The following CADM2 variants were observed in gnomAD, a reference collection of about 807,000 sequenced individuals.
The protein encoded by CADM2 is immunoglobulin superfamily member 4D.
A neutral mutation model predicts 49.8 loss-of-function variants in CADM2; 12 were observed. That is an observed-to-expected ratio of 0.24 (90% CI 0.15 to 0.39). CADM2 has a LOEUF of 0.39. CADM2 is among the 10% of genes least tolerant of loss of function. CADM2 has a pLI of 1.00. For synonymous variants in CADM2, 214 were observed against 175.4 expected (o/e 1.22, Z -1.74); for missense variants, 378 against 492.3 (o/e 0.77, Z 2.20).
At chr3:85,493,734 C>G (rs1186060023) in intron 1 of CADM2, among the ~76,000 whole-genome samples, 1 of 152,140 alleles carries the variant, frequency 6.6e-6, no homozygotes, top group South Asian at 2.1e-4. Flanking sequence ...TCATTGCCTT[C>G]AATGCCTATT....
chr3:85,371,424 C>T (rs1201466114), intron 1 of CADM2, among the ~76,000 whole-genome samples: 3 of 151,860 alleles, frequency 2.0e-5, no homozygotes, highest in Non-Finnish European at 4.4e-5. Context: ...CTACAGCAGT[C>T]AGTGCAATAA....
intron 1 of CADM2, among the ~76,000 whole-genome samples, chr3:85,141,084 C>T (rs1029317881): frequency 2.0e-5 from 3 of 152,058 alleles, no homozygotes; most frequent in African/African-American, 7.2e-5. Context: ...TTCTGTGAGG[C>T]TTCATATTCT....
intron 1 of CADM2, among the ~76,000 whole-genome samples, chr3:85,694,906 G>C (rs1294706225): frequency 1.3e-5 from 2 of 151,752 alleles, no homozygotes; most frequent in African/African-American, 4.8e-5. Flanking sequence ...TCCAGCCTTG[G>C]CAACACAGTG....
intron 1 of CADM2, among the ~76,000 whole-genome samples, chr3:85,412,916 C>T (rs534097744): frequency 4.0e-5 from 6 of 151,302 alleles, no homozygotes; most frequent in African/African-American, 1.2e-4. Context: ...CCGAGGCGGG[C>T]GGATCACGAG....
At chr3:85,707,815 G>T (rs1198511322) in intron 1 of CADM2, among the ~76,000 whole-genome samples, 1 of 152,058 alleles carries the variant, frequency 6.6e-6, no homozygotes, top group Non-Finnish European at 1.5e-5. Context: ...GCATGTACTT[G>T]AAAAGAATTA....
chr3:85,289,600 T>A (rs2043725073), intron 1 of CADM2, among the ~76,000 whole-genome samples: 1 of 152,224 alleles, frequency 6.6e-6, no homozygotes, highest in African/African-American at 2.4e-5. Context: ...TTGCTGACTT[T>A]TCCTTCAGTT....
chr3:85,103,951 G>A (rs571890577), intron 1 of CADM2, among the ~76,000 whole-genome samples: 31 of 152,216 alleles, frequency 2.0e-4, no homozygotes, highest in Middle Eastern at 3.4e-3. Flanking sequence ...TAATTGTTTT[G>A]ATAAGAGAAA....
rs981047029 is a variant in CADM2 at position 84,965,020 on chromosome 3, C to T, written c.61+5352C>T. 1.4e-4 allele frequency among the ~76,000 whole-genome samples: 22 copies of T among 152,084 alleles called. No homozygotes were observed. The East Asian group carries it at 2.9e-3, about 20-fold the overall frequency. Reference sequence around the variant, plus strand: ...TGATCAGTCATTTTTAACATTTTTCCTACCATTTTTTTCTTTTCCTTGATT... The same window carrying T: ...TGATCAGTCATTTTTAACATTTTTCTTACCATTTTTTTCTTTTCCTTGATT... On this transcript the variant is annotated intron_variant, in intron 1 of 9. Transcript: ENST00000383699.
intron 1 of CADM2, among the ~76,000 whole-genome samples, chr3:85,341,917 A>C (rs1418490655): frequency 6.6e-6 from 1 of 152,184 alleles, no homozygotes; most frequent in Non-Finnish European, 1.5e-5. Flanking sequence ...AAACAAAAAA[A>C]GAAAATGGGC....
At chr3:85,206,311 CTTTTTTTT>C (rs546784330) in intron 1 of CADM2, among the ~76,000 whole-genome samples, 7 of 130,262 alleles carry the variant, frequency 5.4e-5, no homozygotes, top group African/African-American at 2.0e-4. Context: ...TTTTTCTTTT[CTTTTTTTT>C]TTTTTTGAGA....
At chr3:85,633,123 A>C (rs9819476) in intron 1 of CADM2, among the ~76,000 whole-genome samples, 26,950 of 152,020 alleles carry the variant, frequency 0.18, 2,969 homozygotes, top group Non-Finnish European at 0.24. Flanking sequence ...CAATAAAAGC[A>C]GTGTACTGAG....
At chr3:85,441,168 CT>C (rs2107543379) in intron 1 of CADM2, among the ~76,000 whole-genome samples, 1 of 151,804 alleles carries the variant, frequency 6.6e-6, no homozygotes, top group African/African-American at 2.4e-5. Flanking sequence ...GCATTCCTAT[CT>C]TTTAAGTGAT....
chr3:85,889,631 G>T (rs1183118500), intron 5 of CADM2, among the ~76,000 whole-genome samples: 1 of 152,106 alleles, frequency 6.6e-6, no homozygotes, highest in Non-Finnish European at 1.5e-5. Context: ...AAGTGCTTTT[G>T]CAAGAATTCT....
At chr3:85,129,229 G>T (rs1254105143) in intron 1 of CADM2, among the ~76,000 whole-genome samples, 1 of 152,034 alleles carries the variant, frequency 6.6e-6, no homozygotes, top group Non-Finnish European at 1.5e-5. Flanking sequence ...TAAAATAGAT[G>T]GTTGCCTTCA....
chr3:85,470,274 G>A (rs1220483162), intron 1 of CADM2, among the ~76,000 whole-genome samples: 1 of 152,120 alleles, frequency 6.6e-6, no homozygotes, highest in Non-Finnish European at 1.5e-5. Flanking sequence ...AGGTGGTGAT[G>A]CAAATTCATA....
intron 1 of CADM2, among the ~76,000 whole-genome samples, chr3:84,984,018 G>T: frequency 6.8e-6 from 1 of 146,120 alleles, no homozygotes; most frequent in South Asian, 2.1e-4. Flanking sequence ...TTTCACAAAT[G>T]GCTTCTTCAT....
chr3:85,033,154 T>C (rs1159231674), intron 1 of CADM2, among the ~76,000 whole-genome samples: 1 of 152,200 alleles, frequency 6.6e-6, no homozygotes, highest in Non-Finnish European at 1.5e-5. Flanking sequence ...CTTTTTGAGA[T>C]GATAAAGTCA....
chr3:85,708,440 A>T (rs1466661320), intron 1 of CADM2, among the ~76,000 whole-genome samples: 1 of 152,226 alleles, frequency 6.6e-6, no homozygotes, highest in Admixed American at 6.5e-5. Context: ...GCACCTCAAC[A>T]AGCCGCAGTC....
chr3:85,063,228 C>CA (rs2036401680), intron 1 of CADM2, among the ~76,000 whole-genome samples: 1 of 151,812 alleles, frequency 6.6e-6, no homozygotes, highest in Admixed American at 6.6e-5. Context: ...ATATTTCTAT[C>CA]AAACTTCAAT....
Sources: allele counts gnomAD v4.1 joint callset (sites outside exome capture counted in the v4.1 genomes callset), GRCh38; gene constraint gnomAD v4.1.1; transcripts MANE v1.5; gene names NCBI Gene and HGNC (gene_info 2026-07-23, HGNC 2026-07-21).